Variants in STAB2 observed in about 807,000 individuals in gnomAD.
STAB2 encodes stabilin 2, also known as stabilin-2.
Under a neutral mutation model 338.1 loss-of-function variants are expected in STAB2, and 288 were observed. The observed-to-expected ratio is 0.85, with a 90% CI of 0.77 to 0.94. The LOEUF (loss-of-function observed/expected upper bound fraction) is 0.94. Ranked by LOEUF, STAB2 falls within the 40% of genes least tolerant of loss-of-function variation. The pLI is 0.00. For missense variants in STAB2, 3,141 were observed against 3,210.1 expected, an observed-to-expected ratio of 0.98 and a Z score of 0.52; for synonymous variants, 1,202 against 1,193.3, an observed-to-expected ratio of 1.01 and a Z score of -0.15.
intron 4 of STAB2, among the ~76,000 whole-genome samples, chr12:103,621,638 A>T (rs888540374): frequency 3.9e-5 from 6 of 152,202 alleles, no homozygotes; most frequent in African/African-American, 1.4e-4. Flanking sequence ...AGGCTGAAGC[A>T]GGAGAACCTG....
At chr12:103,726,500 TAA>T (rs1322457237) in intron 46 of STAB2, among the ~76,000 whole-genome samples, 2 of 151,890 alleles carry the variant, frequency 1.3e-5, no homozygotes, top group African/African-American at 2.4e-5. Context: ...CAAAAATAAA[TAA>T]AGAGTTCAGC....
At position 103,655,510 on chromosome 12, in the gene STAB2, A is replaced by T; in HGVS notation, c.1663A>T (p.Ile555Phe). The change falls in exon 15 of 69, where the codon ATT (isoleucine) becomes TTT (phenylalanine). Residue 555 changes from isoleucine to phenylalanine, a missense_variant. Transcript: ENST00000388887. ...GGATGGAGTTGGTGGACCATACACC[A>T]TTTTTGTTCCAAATAATGAAGCATT... ...DEDGVGGPYT[I>F]FVPNNEALNN... 6 of 1,614,074 alleles carry T rather than the reference A, an allele frequency of 3.7e-6. No homozygotes were observed. Among genetic ancestry groups the T allele is most frequent in the Non-Finnish European group, 5.1e-6 (6 of 1,180,010 alleles).
At chr12:103,591,227 G>A (rs147450296) in intron 2 of STAB2, among the ~76,000 whole-genome samples, 197 bp downstream of exon 2, 2,492 of 152,238 alleles carry the variant, frequency 0.016, 75 homozygotes, top group African/African-American at 0.057. Flanking sequence ...GTTCATGCCT[G>A]TAATCCCAGC....
At chr12:103,620,325 TAA>T (rs34370574) in intron 3 of STAB2, 141 bp from the exon 4 acceptor site, 15 of 589,928 alleles carry the variant, frequency 2.5e-5, no homozygotes. Context: ...GCCTTTTCTG[TAA>T]AACCCTAGAT....
intron 63 of STAB2, among the ~76,000 whole-genome samples, chr12:103,757,006 T>TATATATATATATATATATATATATATAAA (rs1884165650): frequency 6.1e-5 from 1 of 16,308 alleles, no homozygotes; most frequent in Admixed American, 5.6e-4. Flanking sequence ...AATATATATA[T>TATATATATATATATATATATATATATAAA]ATATATATAT....
intron 65 of STAB2, among the ~76,000 whole-genome samples, chr12:103,760,660 G>T (rs1884468950): frequency 6.6e-6 from 1 of 152,142 alleles, no homozygotes; most frequent in African/African-American, 2.4e-5. Context: ...CGGTGGAGGT[G>T]GTGATAACCA....
At chr12:103,762,229 G>A in intron 66 of STAB2, 45 bp from the exon 67 acceptor site, 1 of 1,607,180 alleles carries the variant, frequency 6.2e-7, no homozygotes, top group Non-Finnish European at 8.5e-7. Context: ...CTTTTGGGGA[G>A]TCAGAAGTTT....
chr12:103,651,498 G>C (rs1317992365), intron 11 of STAB2, among the ~76,000 whole-genome samples: 1 of 151,990 alleles, frequency 6.6e-6, no homozygotes. Context: ...ATTTTTAGTA[G>C]AGAAGGGGTT....
chr12:103,740,843 A>AG, intron 55 of STAB2, 87 bp downstream of exon 55: 1 of 1,462,342 alleles, frequency 6.8e-7, no homozygotes, highest in South Asian at 1.5e-5. Context: ...CCAAAATTAT[A>AG]GGGGGATGGG....
chr12:103,715,749 T>C, intron 42 of STAB2, 66 bp from the exon 43 acceptor site: 1 of 1,590,692 alleles, frequency 6.3e-7, no homozygotes, highest in Non-Finnish European at 8.6e-7. Flanking sequence ...AGCTCATCCC[T>C]CAAGCTGGCT....
At chr12:103,650,925 G>T (rs1207774310) in intron 11 of STAB2, among the ~76,000 whole-genome samples, 1 of 152,112 alleles carries the variant, frequency 6.6e-6, no homozygotes, top group African/African-American at 2.4e-5. Flanking sequence ...AAGAAGATTT[G>T]CTTAAAGCAA....
rs1238294900 is a variant in STAB2, at chr12:103,761,209, C to T, written c.7249-91C>T. On this transcript the variant is annotated intron_variant, in intron 65 of 68. Coordinates refer to ENST00000388887, the MANE Select transcript of STAB2 (RefSeq NM_017564.10). ...TGGAGACAAACCTGAAACATGGGCT[C>T]AGGGGCCTTGGGAAAATTGAACAAC... is the stretch of plus-strand genomic sequence containing the variant. 2.5e-6 allele frequency: 3 copies of T among 1,201,372 alleles called. No homozygotes were observed. The African/African-American group carries it at 4.5e-5, about 18-fold the overall frequency. The allele number at this position is 1,201,372 out of a possible 1,614,324, so 74.4% of individuals were successfully genotyped here. A position where few individuals can be genotyped will look rare whatever the true frequency, so the allele number is the denominator to read the frequency against.
intron 6 of STAB2, among the ~76,000 whole-genome samples, chr12:103,634,090 A>G (rs570507182): frequency 1.2e-4 from 18 of 152,238 alleles, no homozygotes; most frequent in Admixed American, 3.9e-4. Flanking sequence ...AATTGGTTGA[A>G]TAAGTTGTGG....
chr12:103,612,158 G>A (rs1407072517), intron 3 of STAB2, among the ~76,000 whole-genome samples: 1 of 151,952 alleles, frequency 6.6e-6, no homozygotes, highest in Non-Finnish European at 1.5e-5. Context: ...TGACAATTAT[G>A]TGTCTTGGAG....
rs745604043 is a variant in STAB2, at chr12:103,655,520, C to T, written c.1673C>T (p.Pro558Leu). The part of the protein sequence containing the change: ...GVGGPYTIFV[P>L]NNEALNNMKD... ...GGTGGACCATACACCATTTTTGTTC[C>T]AAATAATGAAGCATTGAATAACATG... is the stretch of plus-strand genomic sequence containing the variant. The change falls in exon 15 of 69, where the codon CCA becomes CTA. Residue 558 changes from proline to leucine, a missense_variant. By Grantham distance (98) the Pro-to-Leu change is moderately conservative. Transcript: ENST00000388887. 10 of 1,613,916 alleles carry T rather than the reference C, an allele frequency of 6.2e-6. No individual in the cohort carries two copies. The highest frequency in any genetic ancestry group is 8.5e-6 in the Non-Finnish European group (10 of 1,179,968).
chr12:103,595,457 C>A (rs1286119114), intron 3 of STAB2, among the ~76,000 whole-genome samples: 1 of 151,764 alleles, frequency 6.6e-6, no homozygotes, highest in Admixed American at 6.6e-5. Context: ...ATATAGGAAA[C>A]CTTAAATATT....
intron 9 of STAB2, among the ~76,000 whole-genome samples, chr12:103,643,815 G>C (rs1000057591): frequency 6.6e-6 from 1 of 151,624 alleles, no homozygotes; most frequent in Non-Finnish European, 1.5e-5. Context: ...TAGCCGCCCC[G>C]ACCGGGAGGG....
chr12:103,757,028 TATAA>T (rs1330707753), intron 63 of STAB2, among the ~76,000 whole-genome samples: 2 of 143,492 alleles, frequency 1.4e-5, no homozygotes, highest in South Asian at 2.1e-4. Flanking sequence ...TATATATATA[TATAA>T]AATATATATA....
chr12:103,599,713 T>A (rs1001331995), intron 3 of STAB2, among the ~76,000 whole-genome samples: 2 of 152,248 alleles, frequency 1.3e-5, no homozygotes, highest in African/African-American at 4.8e-5. Flanking sequence ...TCTTTGGTAC[T>A]ATCTTCCTCA....
Sources: allele counts gnomAD v4.1 joint callset (sites outside exome capture counted in the v4.1 genomes callset), GRCh38; gene constraint gnomAD v4.1.1; transcripts MANE v1.5; gene names NCBI Gene and HGNC (gene_info 2026-07-23, HGNC 2026-07-21).